Variants in FUS observed in about 807,000 individuals in gnomAD.
FUS encodes the protein RNA-binding protein FUS.
In FUS, 5 loss-of-function variants were observed where a neutral mutation model predicts 82.7. The ratio of observed to expected loss-of-function variants is 0.06; its 90% CI spans 0.03 to 0.13. The LOEUF is 0.13. Among genes scored for constraint, FUS ranks in the 10% least tolerant of loss-of-function variants. The pLI is 1.00. For synonymous variants in FUS, 281 were observed against 247.4 expected, an observed-to-expected ratio of 1.14 and a Z score of -1.27; for missense variants, 512 against 707.8, an observed-to-expected ratio of 0.72 and a Z score of 3.14.
At position 31,184,452 on chromosome 16, in the gene FUS, T is replaced by TTG. The variant is rs1197294061; in HGVS notation, c.523+57_523+58insGT. 12 of 1,473,018 alleles carry TTG rather than the reference T, an allele frequency of 8.1e-6. No homozygotes were observed. The African/African-American group carries it at 1.7e-4, about 21-fold the overall frequency. 91.2% of individuals were successfully genotyped at this position (1,473,018 alleles called of 1,614,324 possible). On this transcript the variant is annotated intron_variant, in intron 5 of 14. Transcript: ENST00000254108. ...ATTTTCTTTTTCTTTTTTTTTTTTT[T>TTG]TTTGAGACGGAGTCTTGCTCTGTCT...
chr16:31,194,629 T>C, downstream of FUS: 1 of 490,358 alleles, frequency 2.0e-6, no homozygotes, highest in Non-Finnish European at 4.0e-6. Flanking sequence ...TTTAATTAAC[T>C]TGTATATATT....
At chr16:31,181,310 G>T (rs1047791924) in intron 1 of FUS, among the ~76,000 whole-genome samples, 10 of 152,228 alleles carry the variant, frequency 6.6e-5, no homozygotes, top group Non-Finnish European at 5.9e-5. Flanking sequence ...CGGGGGAAGC[G>T]CCGCGTTTCC....
intron 7 of FUS, chr16:31,187,253 T>A (rs2079284331): frequency 3.3e-6 from 1 of 303,824 alleles, no homozygotes. Context: ...TCCGAATGTT[T>A]AATTCTGGAA....
intron 7 of FUS, 80 bp downstream of exon 7, chr16:31,186,916 T>C (rs1296865015): frequency 5.8e-6 from 8 of 1,372,862 alleles, no homozygotes; most frequent in Admixed American, 3.4e-5. Flanking sequence ...TCTTAGCGTG[T>C]TAATTTAAAT....
At chr16:31,185,691 A>G (rs1338430497) in intron 6 of FUS, 3 of 427,342 alleles carry the variant, frequency 7.0e-6, no homozygotes, top group South Asian at 1.8e-5. Flanking sequence ...TTTGACCGAC[A>G]TTGATTTTGT....
intron 5 of FUS, 37 bp from the exon 6 acceptor site, chr16:31,184,902 T>TG: frequency 1.3e-6 from 2 of 1,588,506 alleles, no homozygotes; most frequent in Non-Finnish European, 1.7e-6. Context: ...ACAATCTTTT[T>TG]GTTTTTTTTT....
At chr16:31,189,880 T>C (rs1596909100) in intron 10 of FUS, 86 bp downstream of exon 10, 3 of 1,608,610 alleles carry the variant, frequency 1.9e-6, no homozygotes, top group Non-Finnish European at 1.7e-6. Context: ...AGGGTTCTTT[T>C]GAGTCTTCCA....
Position 31,185,184 on chromosome 16 carries a change from G to T in FUS, c.764+5G>T, listed in dbSNP as rs1304151672. ...TGGAGGCAGAGGTGGCATGGGGTAG[G>T]TGTCTCATGAGCCAGGGAGTATCTT... On this transcript the variant is annotated splice_donor_5th_base_variant and intron_variant, in intron 6 of 14. Coordinates refer to ENST00000254108, the MANE Select transcript of FUS (RefSeq NM_004960.4). The T allele has an allele frequency of 3.1e-6, 5 of 1,605,756 alleles. No individual in the cohort carries two copies. The highest frequency in any genetic ancestry group is 2.2e-5 in the South Asian group (2 of 90,130).
At chr16:31,189,545 G>A in intron 9 of FUS, 120 bp from the exon 10 acceptor site, 1 of 1,366,672 alleles carries the variant, frequency 7.3e-7, no homozygotes, top group Non-Finnish European at 1.0e-6. Flanking sequence ...GTAGGAAGAA[G>A]TAACTGGGAA....
Position 31,185,165 on chromosome 16 carries a change from C to T in FUS, c.750C>T (p.Gly250=), listed in dbSNP as rs1182975518. The change falls in exon 6 of 15, where the codon GGC becomes GGT. Residue 250 remains glycine (G), a synonymous_variant. Coordinates refer to ENST00000254108, the MANE Select transcript of FUS (RefSeq NM_004960.4). ...GAGGTCGTGGAGGTGGCCGTGGAGG[C>T]AGAGGTGGCATGGGGTAGGTGTCTC... ...EPRGRGGGRG[G]RGGMGGSDRG... is the part of the protein sequence containing the mutation. 3 of 1,609,632 alleles carry T rather than the reference C, an allele frequency of 1.9e-6. No homozygotes were observed. The highest frequency in any genetic ancestry group is 3.4e-5 in the Admixed American group (2 of 59,400).
In FUS at chr16:31,184,943, C is replaced by G. The variant is rs1177254702; in HGVS notation, c.528C>G (p.Asn176Lys). ...GGGGGGGGGG[N>K]YGQDQSSMSS... ...TCATTCTTTCTTTTCTCACAGGTAA[C>G]TATGGCCAAGATCAATCCTCCATGA... Residue 176 changes from asparagine (N) to lysine (K), a missense_variant, in exon 6 of 15, where the codon AAC becomes AAG. By Grantham distance (94) the Asn-to-Lys change is moderately conservative. This residue lies in a region of FUS where 276 missense variants were observed against 303.3 expected (regional missense o/e 0.91). Coordinates refer to ENST00000254108, the MANE Select transcript of FUS (RefSeq NM_004960.4). The G allele has an allele frequency of 1.2e-6, 2 of 1,612,042 alleles. No individual in the cohort carries two copies. The highest frequency in any genetic ancestry group is 1.7e-6 in the Non-Finnish European group (2 of 1,178,798).
chr16:31,191,280 AC>A lies in FUS; in HGVS notation c.1542-116del. 3.4e-6 allele frequency: 5 copies of A among 1,488,396 alleles called. 1 individual carries two copies. The South Asian group carries it at 4.5e-5, about 14-fold the overall frequency. The allele number at this position is 1,488,396 out of a possible 1,614,324, so 92.2% of individuals were successfully genotyped here. A position where few individuals can be genotyped will look rare whatever the true frequency, so the allele number is the denominator to read the frequency against. On this transcript the variant is annotated intron_variant, in intron 14 of 14. Transcript: ENST00000254108. Reference sequence around the variant, plus strand: ...TAACTCAGGGGGAGTGAATCTGTAGACCCACTTGAGATAAGATACTCGCTGG... The same window carrying A: ...TAACTCAGGGGGAGTGAATCTGTAGACCACTTGAGATAAGATACTCGCTGG...
At chr16:31,188,197 T>TAA in intron 7 of FUS, 128 bp from the exon 8 acceptor site, 1 of 989,214 alleles carries the variant, frequency 1.0e-6, no homozygotes, top group South Asian at 1.4e-5. Context: ...TGTGAGCACT[T>TAA]ACTTGATATT....
intron 1 of FUS, among the ~76,000 whole-genome samples, chr16:31,180,748 T>G (rs2058045548): frequency 6.6e-6 from 1 of 152,094 alleles, no homozygotes; most frequent in African/African-American, 2.4e-5. Flanking sequence ...CCCTCAGTGG[T>G]CCTTCGCGAA....
At chr16:31,185,638 G>A (rs1406525363) in intron 6 of FUS, 4 of 482,906 alleles carry the variant, frequency 8.3e-6, no homozygotes, top group East Asian at 4.6e-5. Flanking sequence ...TACTCTTCCC[G>A]TTTTCTATAG....
Position 31,191,405 on chromosome 16 carries a change from G to A in FUS, c.1548G>A (p.Glu516=). 6.2e-7 allele frequency: 1 copy of A among 1,610,954 alleles called. No homozygotes were observed. Among genetic ancestry groups the A allele is most frequent in the South Asian group, 1.1e-5 (1 of 90,970 alleles). The change falls in exon 15 of 15, where the codon GAG becomes GAA. Residue 516 remains glutamate, a synonymous_variant. Transcript: ENST00000254108. ...FGPGKMDSRG[E]HRQDRRERPY ...TTTTTTTTTTTTTTTGCAGGGGTGA[G>A]CACAGACAGGATCGCAGGGAGAGGC...
At chr16:31,186,711 C>A in intron 6 of FUS, 91 bp from the exon 7 acceptor site, 1 of 1,223,788 alleles carries the variant, frequency 8.2e-7, no homozygotes, top group Non-Finnish European at 1.2e-6. Flanking sequence ...AAACACCTAC[C>A]CATGTTTGGG....
intron 6 of FUS, chr16:31,185,820 A>G (rs2144117872): frequency 1.1e-5 from 3 of 278,678 alleles, no homozygotes; most frequent in Admixed American, 4.6e-5. Flanking sequence ...TGGTTACTTA[A>G]AATTCATCAG....
chr16:31,192,068 T>G (rs1012317144), downstream of FUS: 60 of 532,496 alleles, frequency 1.1e-4, 1 homozygote, highest in Non-Finnish European at 2.0e-4. Context: ...CTGCAGGAGT[T>G]TGTGGAGTGG....
Sources: allele counts gnomAD v4.1 joint callset (sites outside exome capture counted in the v4.1 genomes callset), GRCh38; gene constraint gnomAD v4.1.1; regional missense constraint gnomAD v4.1.1; transcripts MANE v1.5; gene names NCBI Gene and HGNC (gene_info 2026-07-23, HGNC 2026-07-21).